The following CHST12 variants were observed in gnomAD, a reference collection of about 807,000 sequenced individuals.
CHST12 encodes carbohydrate (chondroitin 4) sulfotransferase 12.
Under a neutral mutation model 27.9 loss-of-function variants are expected in CHST12, and 23 were observed. The ratio of observed to expected loss-of-function variants is 0.82; its 90% CI spans 0.59 to 1.17. The LOEUF is 1.17. Ranked by LOEUF, CHST12 falls within the 50% of genes most tolerant of loss-of-function variation. CHST12 has a pLI of 0.00. For missense variants in CHST12, 682 were observed against 603.0 expected (o/e 1.13, Z -1.37); for synonymous variants, 322 against 273.0 (o/e 1.18, Z -1.77).
At chr7:2,411,791 TTTAACTC>T (rs1281555187) in intron 1 of CHST12, among the ~76,000 whole-genome samples, 2 of 152,254 alleles carry the variant, frequency 1.3e-5, no homozygotes, top group Admixed American at 6.5e-5. Flanking sequence ...CACGAATTGA[TTTAACTC>T]TTAAGTCAGT....
At chr7:2,411,134 G>A (rs1210815469) in intron 1 of CHST12, among the ~76,000 whole-genome samples, 1 of 152,120 alleles carries the variant, frequency 6.6e-6, no homozygotes, top group African/African-American at 2.4e-5. Context: ...GAGGGCTGGA[G>A]TACAGTGGTG....
At chr7:2,429,402 G>A (rs1782215373) in intron 1 of CHST12, among the ~76,000 whole-genome samples, 1 of 152,000 alleles carries the variant, frequency 6.6e-6, no homozygotes, top group Admixed American at 6.6e-5. Context: ...TATTTTCACT[G>A]GTTTGGGTAT....
At chr7:2,413,320 A>G (rs932814007) in intron 1 of CHST12, among the ~76,000 whole-genome samples, 5 of 152,194 alleles carry the variant, frequency 3.3e-5, no homozygotes, top group Non-Finnish European at 5.9e-5. Context: ...TATTAGAGAG[A>G]GAAGTGTTAG....
chr7:2,409,373 A>C (rs541216359), intron 1 of CHST12, among the ~76,000 whole-genome samples: 1 of 152,248 alleles, frequency 6.6e-6, no homozygotes, highest in South Asian at 2.1e-4. Flanking sequence ...CCAGCACTTC[A>C]GGAGGCCGAG....
At chr7:2,423,362 T>G (rs538433441) in intron 1 of CHST12, among the ~76,000 whole-genome samples, 1 of 152,236 alleles carries the variant, frequency 6.6e-6, no homozygotes, top group African/African-American at 2.4e-5. Context: ...CAGGACTGCA[T>G]GTTCTCGTCC....
intron 1 of CHST12, among the ~76,000 whole-genome samples, chr7:2,413,802 C>G (rs531449909): frequency 1.4e-4 from 20 of 144,606 alleles, no homozygotes; most frequent in Admixed American, 4.3e-4. Context: ...GATCTTGGCT[C>G]ACTGCAACCT....
In CHST12 at chr7:2,433,828, G is replaced by A. The variant is rs1004835880; in HGVS notation, c.1189G>A (p.Glu397Lys). The A allele has an allele frequency of 1.9e-6, 3 of 1,612,162 alleles. No individual in the cohort carries two copies. The highest frequency in any genetic ancestry group is 1.3e-5 in the African/African-American group (1 of 74,966). The change falls in exon 2 of 2, where the codon GAG becomes AAG. Residue 397 changes from glutamate to lysine, a missense_variant. Transcript: ENST00000618655. This position sits in a 1 kb window ranked among gnomAD's most constrained non-coding sequence, Gnocchi z 6.1. ...AWRQQLYKLY[E>K]ADFVLFGYPK... is the part of the protein sequence containing the mutation. ...GAGGCAGCAGCTGTATAAACTCTACGAGGCCGACTTTGTTCTCTTCGGCTA... is the reference window on the plus strand; with the variant it reads ...GAGGCAGCAGCTGTATAAACTCTACAAGGCCGACTTTGTTCTCTTCGGCTA...
At chr7:2,411,797 T>A (rs1414640227) in intron 1 of CHST12, among the ~76,000 whole-genome samples, 1 of 152,234 alleles carries the variant, frequency 6.6e-6, no homozygotes, top group Non-Finnish European at 1.5e-5. Flanking sequence ...TTGATTTAAC[T>A]CTTAAGTCAG....
In CHST12 at chr7:2,445,381, G is replaced by C. The variant is rs1015257220; in HGVS notation, c.*11497G>C. ...CTCCTCCAGCCGACCCCGCCCCCCA[G>C]GGCATTCGAGAAAAGGGTGCTTGTC... On this transcript the variant is annotated 3_prime_UTR_variant, in exon 2 of 2. Coordinates refer to ENST00000618655, the MANE Select transcript of CHST12 (RefSeq NM_018641.5). 19 of 152,280 alleles carry C rather than the reference G, an allele frequency of 1.2e-4. No individual in the cohort carries two copies. Among genetic ancestry groups the C allele is most frequent in the African/African-American group, 4.3e-4 (18 of 41,464 alleles). 9.4% of individuals were successfully genotyped at this position (152,280 alleles called of 1,614,324 possible).
chr7:2,429,845 C>T (rs769964235), intron 1 of CHST12, among the ~76,000 whole-genome samples: 5 of 152,032 alleles, frequency 3.3e-5, no homozygotes, highest in Non-Finnish European at 5.9e-5. Context: ...GGCAGTGGCA[C>T]GATCTCGGCT....
intron 1 of CHST12, chr7:2,404,340 C>T (rs1290449578): frequency 2.0e-5 from 3 of 152,438 alleles, no homozygotes; most frequent in Non-Finnish European, 2.9e-5. Flanking sequence ...GCCACCGAGA[C>T]ACCGCCGGCA....
At position 2,441,594 on chromosome 7, in the gene CHST12, G is replaced by A. The variant is rs563123218; in HGVS notation, c.*7710G>A. On this transcript the variant is annotated 3_prime_UTR_variant, in exon 2 of 2. Coordinates refer to ENST00000618655, the MANE Select transcript of CHST12 (RefSeq NM_018641.5). Reference sequence around the variant, plus strand: ...TGTAGTCCCAGCTACTTGGGAGGCTGAGGTGGGAGGATCGCTTGAGTCTGG... The same window carrying A: ...TGTAGTCCCAGCTACTTGGGAGGCTAAGGTGGGAGGATCGCTTGAGTCTGG... The A allele has an allele frequency of 6.6e-6, 1 of 151,608 alleles. No individual in the cohort carries two copies. The highest frequency in any genetic ancestry group is 2.1e-4 in the South Asian group (1 of 4,786). The allele number at this position is 151,608 out of a possible 1,614,324, so 9.4% of individuals were successfully genotyped here. A position where few individuals can be genotyped will look rare whatever the true frequency, so the allele number is the denominator to read the frequency against.
intron 1 of CHST12, among the ~76,000 whole-genome samples, chr7:2,407,485 G>T (rs2115380748): frequency 6.6e-6 from 1 of 152,034 alleles, no homozygotes; most frequent in East Asian, 1.9e-4. Flanking sequence ...AAAGTTTCCA[G>T]AAGAAAAAAA....
At chr7:2,411,018 G>A (rs1192481331) in intron 1 of CHST12, among the ~76,000 whole-genome samples, 1 of 152,074 alleles carries the variant, frequency 6.6e-6, no homozygotes, top group Non-Finnish European at 1.5e-5. Context: ...AGGTAGGGCA[G>A]AGGGGACTTG....
chr7:2,440,968 A>G lies in CHST12; in HGVS notation c.*7084A>G, dbSNP rs189271542. On this transcript the variant is annotated 3_prime_UTR_variant, in exon 2 of 2. Coordinates refer to ENST00000618655, the MANE Select transcript of CHST12 (RefSeq NM_018641.5). ...CCCTGTCTTTTTTCCTTGTCTAAGC[A>G]CCATCCTTGCTTAGGAGAGACACGG... 10 of 152,230 alleles carry G rather than the reference A, an allele frequency of 6.6e-5. No individual in the cohort carries two copies. Among genetic ancestry groups the G allele is most frequent in the African/African-American group, 2.4e-4 (10 of 41,544 alleles). The allele number at this position is 152,230 out of a possible 1,614,324, so 9.4% of individuals were successfully genotyped here. A position where few individuals can be genotyped will look rare whatever the true frequency, so the allele number is the denominator to read the frequency against.
Position 2,411,593 on chromosome 7 carries a change from A to G in CHST12, c.-78+7920A>G, listed in dbSNP as rs149057447. On this transcript the variant is annotated intron_variant, in intron 1 of 1. Transcript: ENST00000618655. ...AACCTCCACCTCCTGGGTTCAAGCA[A>G]TTGTCTCTGCCTCAGCCTCTCAAGT... Among the ~76,000 whole-genome samples the G allele has an allele frequency of 9.3e-3, 1,269 of 136,446 alleles. 4 individuals are homozygous for G. Among genetic ancestry groups the G allele is most frequent in the Middle Eastern group, 0.013 (3 of 224 alleles). 89.5% of individuals were successfully genotyped at this position (136,446 alleles called of 152,430 possible).
chr7:2,413,657 G>A (rs950021634), intron 1 of CHST12, among the ~76,000 whole-genome samples: 1 of 150,274 alleles, frequency 6.7e-6, no homozygotes, highest in African/African-American at 2.4e-5. Flanking sequence ...GTTCACCCAT[G>A]AATCAGCACT....
chr7:2,428,788 TAATC>T (rs1782199331), intron 1 of CHST12, among the ~76,000 whole-genome samples: 1 of 152,152 alleles, frequency 6.6e-6, no homozygotes, highest in African/African-American at 2.4e-5. Context: ...AGCAAGATAT[TAATC>T]AGCAGTAATA....
At chr7:2,408,560 T>G (rs1781585405) in intron 1 of CHST12, among the ~76,000 whole-genome samples, 1 of 152,052 alleles carries the variant, frequency 6.6e-6, no homozygotes, top group Non-Finnish European at 1.5e-5. Context: ...GCAGAAGGGC[T>G]TGGGCTTTTT....
Sources: allele counts gnomAD v4.1 joint callset (sites outside exome capture counted in the v4.1 genomes callset), GRCh38; gene constraint gnomAD v4.1.1; non-coding constraint Gnocchi (gnomAD v3.1); transcripts MANE v1.5; gene names NCBI Gene and HGNC (gene_info 2026-07-23, HGNC 2026-07-21).